The following ZNF431 variants were observed in gnomAD, a reference collection of about 807,000 sequenced individuals.
The protein encoded by ZNF431 is zinc finger protein 431.
In ZNF431, 34 loss-of-function variants were observed where a neutral mutation model predicts 57.0. The ratio of observed to expected loss-of-function variants is 0.60; its 90% CI spans 0.45 to 0.79. The LOEUF is 0.79. ZNF431 is among the 30% of genes least tolerant of loss of function. ZNF431 has a pLI of 0.00. For synonymous variants in ZNF431, 207 were observed against 220.3 expected (o/e 0.94, Z 0.54); for missense variants, 607 against 667.1 (o/e 0.91, Z 0.99).
chr19:21,143,752 AATAATGT>A (rs1970006671), intron 2 of ZNF431, 109 bp downstream of exon 2: 1 of 718,064 alleles, frequency 1.4e-6, no homozygotes, highest in South Asian at 1.7e-5. Context: ...AAAACACAGA[AATAATGT>A]ATGCCCCCTG....
At chr19:21,162,761 G>A (rs1970611703) in intron 2 of ZNF431, 1 of 985,246 alleles carries the variant, frequency 1.0e-6, no homozygotes, top group African/African-American at 1.7e-5. Flanking sequence ...GCAGGTAAAT[G>A]AGAAAAATAA....
Position 21,182,867 on chromosome 19 carries a change from T to G in ZNF431, c.564T>G (p.Phe188Leu), listed in dbSNP as rs1388751370. The change falls in exon 5 of 5, where the codon TTT becomes TTG. Residue 188 changes from phenylalanine (F) to leucine (L), a missense_variant. Phe to Leu is a conservative substitution (Grantham distance 22). Coordinates refer to ENST00000311048, the MANE Select transcript of ZNF431 (RefSeq NM_133473.4). ...CDKYVKVFHKFLNANRHKTRH... is the reference protein window; with the variant it reads ...CDKYVKVFHKLLNANRHKTRH... ...AATATGTGAAAGTCTTTCATAAATT[T>G]TTAAATGCAAATAGACATAAGACAA... 3.7e-6 allele frequency: 6 copies of G among 1,613,868 alleles called. No individual in the cohort carries two copies. The highest frequency in any genetic ancestry group is 5.1e-6 in the Non-Finnish European group (6 of 1,179,934).
chr19:21,177,437 GTA>G lies in ZNF431; in HGVS notation c.320-5183_320-5182del, dbSNP rs1277670210. Reference sequence around the variant, plus strand: ...CAGCTTTGGTTACTACAGCTTTGTAGTATAGTTTGAAGTTGGATATCATGATG... The same window carrying G: ...CAGCTTTGGTTACTACAGCTTTGTAGTAGTTTGAAGTTGGATATCATGATG... On this transcript the variant is annotated intron_variant, in intron 4 of 4. Coordinates refer to ENST00000311048, the MANE Select transcript of ZNF431 (RefSeq NM_133473.4). Among the ~76,000 whole-genome samples the G allele has an allele frequency of 3.3e-5, 5 of 152,224 alleles. No individual in the cohort carries two copies. The East Asian group carries it at 9.7e-4, about 29-fold the overall frequency.
In ZNF431 at chr19:21,193,962, AAAAT is replaced by A. The variant is rs1971557081; in HGVS notation, c.*9931_*9934del. ...GGGGCATGCATTTCTCATTAGAAAA[AAAAT>A]AAGACTATCTAAACAATTCTATTTA... On this transcript the variant is annotated 3_prime_UTR_variant, in exon 5 of 5. Coordinates refer to ENST00000311048, the MANE Select transcript of ZNF431 (RefSeq NM_133473.4). The A allele has an allele frequency of 6.6e-6, 1 of 152,306 alleles. No homozygotes were observed. The highest frequency in any genetic ancestry group is 1.9e-4 in the East Asian group (1 of 5,182). The allele number at this position is 152,306 out of a possible 1,614,324, so 9.4% of individuals were successfully genotyped here. A position where few individuals can be genotyped will look rare whatever the true frequency, so the allele number is the denominator to read the frequency against.
At chr19:21,147,585 A>G (rs1303210900) in intron 2 of ZNF431, among the ~76,000 whole-genome samples, 1 of 137,210 alleles carries the variant, frequency 7.3e-6, no homozygotes, top group Non-Finnish European at 1.6e-5. Flanking sequence ...TGGATGGCAA[A>G]GTCTTAGGGC....
At chr19:21,162,013 G>C (rs1228906280) in intron 2 of ZNF431, among the ~76,000 whole-genome samples, 1 of 151,910 alleles carries the variant, frequency 6.6e-6, no homozygotes, top group Non-Finnish European at 1.5e-5. Flanking sequence ...TCTTGCTCTT[G>C]TTTCCCAGGC....
chr19:21,181,813 T>C (rs1971217113), intron 4 of ZNF431, among the ~76,000 whole-genome samples: 1 of 152,176 alleles, frequency 6.6e-6, no homozygotes, highest in African/African-American at 2.4e-5. Flanking sequence ...TCTGAAAATC[T>C]TATAATTTTG....
Position 21,189,155 on chromosome 19 carries a change from A to G in ZNF431, c.*5121A>G, listed in dbSNP as rs955161713. 6.6e-6 allele frequency: 1 copy of G among 152,172 alleles called. No individual in the cohort carries two copies. The highest frequency in any genetic ancestry group is 1.5e-5 in the Non-Finnish European group (1 of 68,040). The allele number at this position is 152,172 out of a possible 1,614,324, so 9.4% of individuals were successfully genotyped here. On this transcript the variant is annotated 3_prime_UTR_variant, in exon 5 of 5. Coordinates refer to ENST00000311048, the MANE Select transcript of ZNF431 (RefSeq NM_133473.4). ...TAGAACGTAATATTTTGAAGTATATATATAGTTAAATTATTATTTCTAGGT... is the reference window on the plus strand; with the variant it reads ...TAGAACGTAATATTTTGAAGTATATGTATAGTTAAATTATTATTTCTAGGT...
In ZNF431 at chr19:21,184,050, T is replaced by A. The variant is rs1568317277; in HGVS notation, c.*16T>A. The A allele has an allele frequency of 6.5e-7, 1 of 1,536,208 alleles. No individual in the cohort carries two copies. Among genetic ancestry groups the A allele is most frequent in the Non-Finnish European group, 8.7e-7 (1 of 1,148,148 alleles). ...AAGCCTTTAAGCAGTCCTCAACTCT[T>A]ACTAAGCATTAAATATTGGCCGGGT... On this transcript the variant is annotated 3_prime_UTR_variant, in exon 5 of 5. Coordinates refer to ENST00000311048, the MANE Select transcript of ZNF431 (RefSeq NM_133473.4).
chr19:21,146,498 T>TA, intron 2 of ZNF431, among the ~76,000 whole-genome samples: 1 of 152,146 alleles, frequency 6.6e-6, no homozygotes. Flanking sequence ...GGGTTGCTGT[T>TA]TGCACATTTT....
intron 4 of ZNF431, chr19:21,175,594 A>G (rs577635709): frequency 1.4e-4 from 72 of 519,598 alleles, no homozygotes; most frequent in African/African-American, 5.5e-4. Flanking sequence ...CCCGTGACAG[A>G]CCCCAGTGTG....
intron 4 of ZNF431, among the ~76,000 whole-genome samples, chr19:21,171,515 G>A (rs1411460796): frequency 3.3e-5 from 5 of 151,708 alleles, no homozygotes; most frequent in African/African-American, 1.2e-4. Context: ...TCAGCCATAC[G>A]TCTATCACGA....
rs145831717 is a variant in ZNF431 at position 21,182,448 on chromosome 19, A to G, written c.320-175A>G. ...ACACTTGTTTATAAGTTGTCCTCAAATATATTTTGGTCAGTATATTTTTAT... is the reference window on the plus strand; with the variant it reads ...ACACTTGTTTATAAGTTGTCCTCAAGTATATTTTGGTCAGTATATTTTTAT... On this transcript the variant is annotated intron_variant, in intron 4 of 4. Coordinates refer to ENST00000311048, the MANE Select transcript of ZNF431 (RefSeq NM_133473.4). 1.5e-3 allele frequency among the ~76,000 whole-genome samples: 234 copies of G among 152,244 alleles called. 2 individuals are homozygous for G. The highest frequency in any genetic ancestry group is 6.8e-3 in the Middle Eastern group (2 of 294).
intron 4 of ZNF431, among the ~76,000 whole-genome samples, chr19:21,174,800 C>T (rs1971003327): frequency 6.6e-6 from 1 of 151,998 alleles, no homozygotes; most frequent in Non-Finnish European, 1.5e-5. Context: ...GAGATGGCAT[C>T]TCGCTCTGTC....
In ZNF431 at chr19:21,186,808, A is replaced by T. The variant is rs951244776; in HGVS notation, c.*2774A>T. 5 of 152,156 alleles carry T rather than the reference A, an allele frequency of 3.3e-5. No individual in the cohort carries two copies. Among genetic ancestry groups the T allele is most frequent in the African/African-American group, 1.2e-4 (5 of 41,436 alleles). The allele number at this position is 152,156 out of a possible 1,614,324, so 9.4% of individuals were successfully genotyped here. ...AAATAATCTTTAGATGTAATTCCAA[A>T]AGTAGTGTATTAAGTTACATTTTAT... is the stretch of plus-strand genomic sequence containing the variant. On this transcript the variant is annotated 3_prime_UTR_variant, in exon 5 of 5. Transcript: ENST00000311048.
chr19:21,167,646 A>T lies in ZNF431; in HGVS notation c.299A>T (p.Glu100Val). 1 of 1,586,242 alleles carries T rather than the reference A, an allele frequency of 6.3e-7. No homozygotes were observed. The highest frequency in any genetic ancestry group is 8.6e-7 in the Non-Finnish European group (1 of 1,164,500). The change falls in exon 4 of 5, where the codon GAG becomes GTG. Residue 100 changes from glutamate (E) to valine (V), a missense_variant. Physicochemically the swap from Glu to Val is moderately radical, Grantham distance 121. Transcript: ENST00000311048. ...GAGCCCTGGAATATGAAGAGACATG[A>T]GATGGTGGATGAACCCCCAGGTAGG... ...EKEPWNMKRH[E>V]MVDEPPAMCS...
intron 2 of ZNF431, among the ~76,000 whole-genome samples, chr19:21,164,819 A>G (rs994569523): frequency 2.0e-5 from 3 of 151,872 alleles, no homozygotes; most frequent in African/African-American, 7.3e-5. Context: ...TCTAAAAAAT[A>G]TTTGTTTCTG....
rs114979440 is a variant in ZNF431 at position 21,171,390 on chromosome 19, A to G, written c.319+3724A>G. 3.5e-3 allele frequency among the ~76,000 whole-genome samples: 532 copies of G among 152,048 alleles called. 5 individuals carry two copies. Among genetic ancestry groups the G allele is most frequent in the African/African-American group, 0.012 (514 of 41,488 alleles). On this transcript the variant is annotated intron_variant, in intron 4 of 4. Coordinates refer to ENST00000311048, the MANE Select transcript of ZNF431 (RefSeq NM_133473.4). ...AGTTTCTTATTAGCGTTTTTTCAGT[A>G]TAGGTTTCTTAACATCAGCTTGTTG... is the stretch of plus-strand genomic sequence containing the variant.
chr19:21,169,942 C>T (rs1047052781), intron 4 of ZNF431: 6 of 398,090 alleles, frequency 1.5e-5, no homozygotes, highest in African/African-American at 1.2e-4. Context: ...TCTGGAAGGG[C>T]AGGACCTCTC....
Sources: allele counts gnomAD v4.1 joint callset (sites outside exome capture counted in the v4.1 genomes callset), GRCh38; gene constraint gnomAD v4.1.1; transcripts MANE v1.5; gene names NCBI Gene and HGNC (gene_info 2026-07-23, HGNC 2026-07-21).